Variants in SEPTIN3 observed in about 807,000 individuals in gnomAD.
SEPTIN3 encodes septin 3.
In SEPTIN3, 15 loss-of-function variants were observed where a neutral mutation model predicts 45.1. That is an observed-to-expected ratio of 0.33 (90% confidence interval 0.22 to 0.51). The LOEUF (loss-of-function observed/expected upper bound fraction) is 0.51, where lower values mean the gene tolerates loss of function less well. Among genes scored for constraint, SEPTIN3 ranks in the 20% least tolerant of loss-of-function variants. The pLI, the probability that SEPTIN3 is intolerant of heterozygous loss-of-function variation, is 0.97. For missense variants in SEPTIN3, 289 were observed against 457.2 expected, an observed-to-expected ratio of 0.63 and a Z score of 3.35; for synonymous variants, 148 against 164.8, an observed-to-expected ratio of 0.90 and a Z score of 0.78.
At chr22:41,970,143 G>A (rs2077944563) in intron 1 of SEPTIN3, among the ~76,000 whole-genome samples, 1 of 151,952 alleles carries the variant, frequency 6.6e-6, no homozygotes, top group Non-Finnish European at 1.5e-5. Flanking sequence ...GAGCCCTCTG[G>A]AACTGACTCC....
At chr22:41,984,174 T>C (rs1292710597) in intron 3 of SEPTIN3, among the ~76,000 whole-genome samples, 1 of 152,208 alleles carries the variant, frequency 6.6e-6, no homozygotes, top group Admixed American at 6.5e-5. Context: ...TCCCTGGTCT[T>C]GTCCAATTTC....
At chr22:41,989,538 C>T in intron 6 of SEPTIN3, 29 bp from the exon 7 acceptor site, 5 of 1,498,956 alleles carry the variant, frequency 3.3e-6, no homozygotes, top group Non-Finnish European at 3.7e-6. Flanking sequence ...CAAGGTGGCT[C>T]TGATGATTCT....
At position 41,995,180 on chromosome 22, in the gene SEPTIN3, C is replaced by T. The variant is rs2078409275; in HGVS notation, c.2505+466C>T. 4 of 1,029,772 alleles carry T rather than the reference C, an allele frequency of 3.9e-6. No individual in the cohort carries two copies. In the African/African-American group the frequency reaches 6.7e-5, roughly 17 times the overall value. 63.8% of individuals were successfully genotyped at this position (1,029,772 alleles called of 1,614,324 possible). A position where few individuals can be genotyped will look rare whatever the true frequency, so the allele number is the denominator to read the frequency against. ...CACACAAACTGGGGCTATAGAGATT[C>T]TCCAAGGACAGATGGCAGTGGAGCT... On this transcript the variant is annotated intron_variant, in intron 11 of 11. Transcript: ENST00000644076.
intron 4 of SEPTIN3, 57 bp from the exon 5 acceptor site, chr22:41,987,149 G>A: frequency 6.3e-6 from 9 of 1,424,748 alleles, no homozygotes; most frequent in Non-Finnish European, 7.7e-6. Flanking sequence ...AGGCTGCCAG[G>A]TACCTGGGGT....
rs1452189833 is a variant in SEPTIN3 at position 41,976,338 on chromosome 22, T to C, written c.1504+3342T>C. ...CCCCTGTGAGGCAATATGCTGTCCATTAGTATCCACTGAATGCGTGAAATT... is the reference window on the plus strand; with the variant it reads ...CCCCTGTGAGGCAATATGCTGTCCACTAGTATCCACTGAATGCGTGAAATT... On this transcript the variant is annotated intron_variant, in intron 2 of 11. Transcript: ENST00000644076. The surrounding 1 kb of genome is among the most constrained non-coding windows in gnomAD (Gnocchi z 5.8). The C allele has an allele frequency of 2.6e-5, 4 of 152,310 alleles. No individual in the cohort carries two copies. The highest frequency in any genetic ancestry group is 9.6e-5 in the African/African-American group (4 of 41,460). 9.4% of individuals were successfully genotyped at this position (152,310 alleles called of 1,614,324 possible).
chr22:41,979,556 T>TG (rs2078088460), intron 2 of SEPTIN3, among the ~76,000 whole-genome samples: 1 of 152,170 alleles, frequency 6.6e-6, no homozygotes, highest in South Asian at 2.1e-4. Flanking sequence ...GTGAGCCACG[T>TG]GCAAGAGTGG....
rs895952126 is a variant in SEPTIN3, at chr22:41,971,630, C to T, written c.138C>T (p.Leu46=). ...PSRLPGGGSP[L]TPVLRKTIHL... is the part of the protein sequence containing the mutation. ...GACTCCCTGGAGGAGGGTCCCCCCT[C>T]ACCCCCGTCCTCAGGAAGACCATCC... Residue 46 remains leucine (L), a synonymous_variant, in exon 2 of 12, where the codon CTC becomes CTT. Transcript: ENST00000644076. 2 of 399,090 alleles carry T rather than the reference C, an allele frequency of 5.0e-6. No individual in the cohort carries two copies. The highest frequency in any genetic ancestry group is 4.4e-6 in the Non-Finnish European group (1 of 226,164). 24.7% of individuals were successfully genotyped at this position (399,090 alleles called of 1,614,324 possible). A position where few individuals can be genotyped will look rare whatever the true frequency, so the allele number is the denominator to read the frequency against.
intron 1 of SEPTIN3, among the ~76,000 whole-genome samples, chr22:41,971,250 C>T (rs984019708): frequency 1.1e-4 from 16 of 151,920 alleles, no homozygotes; most frequent in African/African-American, 7.3e-5. Flanking sequence ...GGTGGCTGGC[C>T]GGGGTGGGGT....
At position 41,989,588 on chromosome 22, in the gene SEPTIN3, G is replaced by A. The variant is rs759377872; in HGVS notation, c.2067G>A (p.Glu689=). Residue 689 remains glutamate (E), a synonymous_variant, in exon 7 of 12, where the codon GAG becomes GAA. Transcript: ENST00000644076. Reference sequence around the variant, plus strand: ...CCAGCTTGCGACCTCTGGATCTTGAGTTCATGAAACACCTCAGCAAGGTTG... The same window carrying A: ...CCAGCTTGCGACCTCTGGATCTTGAATTCATGAAACACCTCAGCAAGGTTG... ...TGHSLRPLDL[E]FMKHLSKVVN... 14 of 1,613,684 alleles carry A rather than the reference G, an allele frequency of 8.7e-6. No individual in the cohort carries two copies. The Admixed American group carries it at 2.0e-4, about 23-fold the overall frequency.
chr22:41,987,844 A>T, intron 6 of SEPTIN3, 85 bp downstream of exon 6: 1 of 1,456,566 alleles, frequency 6.9e-7, no homozygotes, highest in Non-Finnish European at 9.3e-7. Context: ...CCATACGTTG[A>T]CTCAGCTAGG....
At chr22:41,996,683 A>T in intron 11 of SEPTIN3, 1 of 1,417,986 alleles carries the variant, frequency 7.1e-7, no homozygotes, top group South Asian at 1.5e-5. Context: ...ATTTCAACAG[A>T]ACAGGGATCC....
At chr22:41,988,042 A>T (rs1156518614) in intron 6 of SEPTIN3, among the ~76,000 whole-genome samples, 1 of 152,210 alleles carries the variant, frequency 6.6e-6, no homozygotes, top group Non-Finnish European at 1.5e-5. Flanking sequence ...CTGTATCAGC[A>T]AAGAGGACTT....
intron 2 of SEPTIN3, among the ~76,000 whole-genome samples, chr22:41,973,933 A>T (rs1412015414): frequency 6.6e-6 from 1 of 152,116 alleles, no homozygotes; most frequent in East Asian, 1.9e-4. Flanking sequence ...GTGAGCCAAG[A>T]TCGTGCCACT....
chr22:41,995,813 G>A, intron 11 of SEPTIN3: 1 of 890,818 alleles, frequency 1.1e-6, no homozygotes. Flanking sequence ...AGTGAGTTAT[G>A]CAGTTCCCAG....
At chr22:41,983,944 G>C (rs1010661886) in intron 3 of SEPTIN3, among the ~76,000 whole-genome samples, 5 of 152,172 alleles carry the variant, frequency 3.3e-5, no homozygotes, top group African/African-American at 1.2e-4. Context: ...TGGCACCTAA[G>C]AATAATTAAT....
chr22:41,990,371 T>C (rs149746916), intron 7 of SEPTIN3, among the ~76,000 whole-genome samples: 483 of 151,748 alleles, frequency 3.2e-3, no homozygotes, highest in African/African-American at 0.011. Context: ...GCATGTTCTA[T>C]AAGCTCAGCC....
At chr22:41,977,036 C>T in intron 2 of SEPTIN3, 1 of 1,599,164 alleles carries the variant, frequency 6.3e-7, no homozygotes, top group Non-Finnish European at 8.5e-7. Context: ...GGAGCATCTC[C>T]CTGGAGGAAC....
chr22:41,987,505 C>T (rs1246186565), intron 5 of SEPTIN3, 117 bp from the exon 6 acceptor site: 1 of 1,336,520 alleles, frequency 7.5e-7, no homozygotes, highest in Non-Finnish European at 1.0e-6. Context: ...AGCAGGTATC[C>T]TAGGCCCACC....
intron 9 of SEPTIN3, among the ~76,000 whole-genome samples, chr22:41,993,965 T>C (rs551000642): frequency 5.1e-4 from 77 of 152,390 alleles, no homozygotes; most frequent in Admixed American, 4.6e-3. Flanking sequence ...TTCTGAAGAA[T>C]GGGAAGTGTA....
Sources: gnomAD v4.1 joint callset for allele counts (sites outside exome capture counted in the v4.1 genomes callset) on GRCh38, gnomAD v4.1.1 for gene constraint, Gnocchi (gnomAD v3.1) non-coding constraint, MANE v1.5 for transcripts, NCBI Gene and HGNC (gene_info 2026-07-23, HGNC 2026-07-21) for gene names.